The following CEP70 variants were observed in gnomAD, a reference collection of about 807,000 sequenced individuals.
CEP70 encodes centrosomal protein 70.
In CEP70, 70 loss-of-function variants were observed where a neutral mutation model predicts 90.9. That is an observed-to-expected ratio of 0.77 (90% confidence interval 0.64 to 0.94). The LOEUF is 0.94. CEP70 is among the 40% of genes least tolerant of loss of function. The pLI is 0.00. For synonymous variants in CEP70, 220 were observed against 228.3 expected (o/e 0.96, Z 0.33); for missense variants, 648 against 669.0 (o/e 0.97, Z 0.35).
At chr3:138,528,148 GA>G (rs769394297) in intron 10 of CEP70, among the ~76,000 whole-genome samples, 8 of 150,954 alleles carry the variant, frequency 5.3e-5, no homozygotes, top group Non-Finnish European at 1.0e-4. Flanking sequence ...GGGGTCAAGT[GA>G]TCCTTCCACC....
At chr3:138,561,290 A>G (rs1212325913) in intron 6 of CEP70, among the ~76,000 whole-genome samples, 1 of 152,162 alleles carries the variant, frequency 6.6e-6, no homozygotes, top group Non-Finnish European at 1.5e-5. Context: ...GCAGACCTGC[A>G]GCAGAGGGGC....
intron 13 of CEP70, among the ~76,000 whole-genome samples, chr3:138,504,671 G>A (rs951578884): frequency 2.6e-5 from 4 of 152,076 alleles, no homozygotes; most frequent in Non-Finnish European, 5.9e-5. Context: ...CAGCAAACTA[G>A]TTAACAAAAA....
chr3:138,544,345 T>G (rs2039011175), intron 6 of CEP70, among the ~76,000 whole-genome samples: 1 of 126,330 alleles, frequency 7.9e-6, no homozygotes, highest in African/African-American at 3.6e-5. Context: ...AGAATGGCTA[T>G]TACTCAAAAG....
At chr3:138,501,746 A>G (rs2034526970) in intron 13 of CEP70, among the ~76,000 whole-genome samples, 2 of 152,180 alleles carry the variant, frequency 1.3e-5, no homozygotes, top group Admixed American at 6.6e-5. Context: ...GGCTACTGAA[A>G]GTTTAGAGCT....
intron 11 of CEP70, among the ~76,000 whole-genome samples, chr3:138,513,714 C>T (rs771857181): frequency 1.5e-4 from 23 of 152,298 alleles, no homozygotes; most frequent in Admixed American, 1.4e-3. Context: ...CAGCTCAACA[C>T]AGAGTGGCTG....
At chr3:138,582,527 A>G (rs986431927) in intron 2 of CEP70, among the ~76,000 whole-genome samples, 3 of 151,478 alleles carry the variant, frequency 2.0e-5, no homozygotes, top group African/African-American at 7.3e-5. Context: ...TAATCCCAGC[A>G]CTTTGGGAGG....
At chr3:138,534,484 G>A (rs2038097795) in intron 7 of CEP70, among the ~76,000 whole-genome samples, 2 of 152,124 alleles carry the variant, frequency 1.3e-5, no homozygotes, top group South Asian at 2.1e-4. Flanking sequence ...TTCATTCTGA[G>A]TGATTGTAAC....
chr3:138,520,592 A>G (rs2036520526), intron 11 of CEP70, among the ~76,000 whole-genome samples: 1 of 152,214 alleles, frequency 6.6e-6, no homozygotes, highest in Non-Finnish European at 1.5e-5. Context: ...TACTGGGTAC[A>G]TAACAAAATG....
In CEP70 at chr3:138,516,443, T is replaced by C. The variant is rs572530289; in HGVS notation, c.945-7899A>G. The stretch of plus-strand genomic sequence containing the variant: ...CTCTGTTGCCCAGGCTGGAGTGCAG[T>C]GGTGTGATCACAGCTCACTGCAGCC... On this transcript the variant is annotated intron_variant, in intron 11 of 17. Coordinates refer to ENST00000264982, the MANE Select transcript of CEP70 (RefSeq NM_024491.4). Among the ~76,000 whole-genome samples the C allele has an allele frequency of 7.9e-5, 12 of 152,098 alleles. No homozygotes were observed. The South Asian group carries it at 2.5e-3, about 32-fold the overall frequency.
intron 3 of CEP70, among the ~76,000 whole-genome samples, chr3:138,572,075 C>A (rs2041216245): frequency 6.6e-6 from 1 of 151,924 alleles, no homozygotes; most frequent in African/African-American, 2.4e-5. Flanking sequence ...ACCGCCCCAG[C>A]CCCTAAGTAT....
chr3:138,588,658 T>C (rs138071413), intron 2 of CEP70, among the ~76,000 whole-genome samples: 4 of 152,344 alleles, frequency 2.6e-5, no homozygotes, highest in Non-Finnish European at 5.9e-5. Context: ...TACAACCACT[T>C]TGTAAATCAC....
At chr3:138,584,846 A>T (rs1157354703) in intron 2 of CEP70, among the ~76,000 whole-genome samples, 1 of 152,166 alleles carries the variant, frequency 6.6e-6, no homozygotes, top group Middle Eastern at 3.2e-3. Context: ...GCAGTATCAC[A>T]CTGAATCGGG....
At chr3:138,556,299 G>A (rs544609782) in intron 6 of CEP70, among the ~76,000 whole-genome samples, 7 of 152,274 alleles carry the variant, frequency 4.6e-5, no homozygotes, top group Non-Finnish European at 1.0e-4. Context: ...GGAGGCTAAG[G>A]TGGGTGGATC....
chr3:138,558,492 T>G (rs2040180865), intron 6 of CEP70, among the ~76,000 whole-genome samples: 1 of 152,174 alleles, frequency 6.6e-6, no homozygotes. Context: ...ATATTTTTTC[T>G]TATGCCTGCC....
intron 13 of CEP70, among the ~76,000 whole-genome samples, 189 bp downstream of exon 13, chr3:138,505,102 TAGAC>T (rs2034860489): frequency 6.6e-6 from 1 of 152,156 alleles, no homozygotes; most frequent in Non-Finnish European, 1.5e-5. Context: ...CAACATCAAA[TAGAC>T]AGTACCTAAA....
At chr3:138,546,042 T>G (rs141181937) in intron 6 of CEP70, among the ~76,000 whole-genome samples, 2,547 of 152,306 alleles carry the variant, frequency 0.017, 30 homozygotes, top group Middle Eastern at 0.034. Flanking sequence ...CATGTGATCT[T>G]CGTGACCTAC....
chr3:138,577,638 A>C (rs1272314483), intron 2 of CEP70, among the ~76,000 whole-genome samples: 2 of 152,084 alleles, frequency 1.3e-5, no homozygotes, highest in Non-Finnish European at 2.9e-5. Context: ...ACAGAGAGAG[A>C]CTCTGCCTCG....
intron 7 of CEP70, 108 bp from the exon 8 acceptor site, chr3:138,532,678 T>C: frequency 9.8e-7 from 1 of 1,016,278 alleles, no homozygotes; most frequent in Non-Finnish European, 1.3e-6. Flanking sequence ...GTACAGATTA[T>C]CTGGCAGGCT....
intron 2 of CEP70, among the ~76,000 whole-genome samples, chr3:138,577,121 C>T (rs1383708486): frequency 6.6e-6 from 1 of 152,094 alleles, no homozygotes; most frequent in Admixed American, 6.5e-5. Context: ...TGCATGTTCT[C>T]ACTCATAGGT....
Sources: gnomAD v4.1 joint callset for allele counts (sites outside exome capture counted in the v4.1 genomes callset) on GRCh38, gnomAD v4.1.1 for gene constraint, MANE v1.5 for transcripts, NCBI Gene and HGNC (gene_info 2026-07-23, HGNC 2026-07-21) for gene names.